FAM178B: variants seen among roughly 807,000 people sequenced by gnomAD.
FAM178B encodes the protein protein FAM178B.
Under a neutral mutation model 91.7 loss-of-function variants are expected in FAM178B, and 82 were observed. The ratio of observed to expected loss-of-function variants is 0.89; its 90% CI spans 0.75 to 1.07. The LOEUF is 1.07. Among genes scored for constraint, FAM178B ranks in the 50% least tolerant of loss-of-function variants. The probability of loss-of-function intolerance (pLI) is 0.00; values close to 1 mark genes in which losing one functional copy is unlikely to be tolerated. For synonymous variants in FAM178B, 368 were observed against 359.4 expected (o/e 1.02, Z -0.27); for missense variants, 769 against 846.7 (o/e 0.91, Z 1.14).
At chr2:96,944,013 TG>T (rs1272375995) in intron 8 of FAM178B, among the ~76,000 whole-genome samples, 2 of 152,094 alleles carry the variant, frequency 1.3e-5, no homozygotes, top group African/African-American at 2.4e-5. Context: ...GAGGCTGAAG[TG>T]GGTGGATCAC....
At chr2:96,921,309 C>T (rs762546960) in intron 11 of FAM178B, 47 bp from the exon 12 acceptor site, 5 of 1,536,500 alleles carry the variant, frequency 3.3e-6, no homozygotes, top group South Asian at 1.2e-5. Flanking sequence ...CACCGCCTTC[C>T]CCTTGCTCTC....
chr2:96,927,033 G>A (rs1433754085), intron 9 of FAM178B, among the ~76,000 whole-genome samples: 2 of 152,240 alleles, frequency 1.3e-5, no homozygotes, highest in Non-Finnish European at 2.9e-5. Context: ...GAGTTGGTGA[G>A]GAGCCAGGAC....
At chr2:96,918,188 AG>A (rs2081274400) in intron 12 of FAM178B, among the ~76,000 whole-genome samples, 1 of 152,028 alleles carries the variant, frequency 6.6e-6, no homozygotes. Context: ...AAAAAAAAAA[AG>A]AAAAAAAATT....
At chr2:96,894,753 C>A (rs183843349) in intron 13 of FAM178B, among the ~76,000 whole-genome samples, 2,841 of 81,110 alleles carry the variant, frequency 0.035, 133 homozygotes, top group Non-Finnish European at 0.048. Flanking sequence ...TCACCCCCCC[C>A]ACAGACCCCC....
At chr2:96,931,213 T>C (rs568340620) in intron 8 of FAM178B, among the ~76,000 whole-genome samples, 1 of 152,228 alleles carries the variant, frequency 6.6e-6, no homozygotes, top group East Asian at 1.9e-4. Flanking sequence ...GACTTCACCA[T>C]TCTAGAGGGT....
chr2:96,968,900 C>A (rs2082181020), intron 4 of FAM178B, among the ~76,000 whole-genome samples: 2 of 152,228 alleles, frequency 1.3e-5, no homozygotes, highest in Non-Finnish European at 2.9e-5. Context: ...TCTGCCTCGC[C>A]CCTCCAACCC....
At chr2:96,950,255 C>T in intron 7 of FAM178B, 2 of 847,274 alleles carry the variant, frequency 2.4e-6, no homozygotes, top group Non-Finnish European at 2.8e-6. Context: ...AGGGGCTGCA[C>T]CGCCAGCGTG....
chr2:96,971,339 CTCTGTCTGTCTG>C (rs546996672), intron 3 of FAM178B, among the ~76,000 whole-genome samples: 6 of 148,356 alleles, frequency 4.0e-5, no homozygotes, highest in Non-Finnish European at 8.9e-5. Context: ...TCCCTTGTGT[CTCTGTCTGTCTG>C]TCTGTCTGTC....
chr2:96,950,166 C>G (rs552827466), intron 7 of FAM178B: 381 of 985,400 alleles, frequency 3.9e-4, no homozygotes, highest in Non-Finnish European at 4.4e-4. Context: ...CAGGGCCCCT[C>G]TGTGGGTGCC....
At chr2:96,925,943 G>A (rs369202533) in intron 9 of FAM178B, among the ~76,000 whole-genome samples, 14 of 152,240 alleles carry the variant, frequency 9.2e-5, no homozygotes, top group East Asian at 1.9e-4. Context: ...TTGATAGGAC[G>A]CCCTGTCAAT....
intron 8 of FAM178B, among the ~76,000 whole-genome samples, chr2:96,934,677 T>C (rs918283081): frequency 7.2e-5 from 11 of 152,244 alleles, no homozygotes; most frequent in African/African-American, 2.4e-4. Context: ...ACCGTGTGTC[T>C]AGGGAGACAC....
chr2:96,972,629 G>A, intron 1 of FAM178B, 23 bp from the exon 2 acceptor site: 15 of 1,548,490 alleles, frequency 9.7e-6, no homozygotes, highest in African/African-American at 1.4e-5. Context: ...GCCTGTGAGG[G>A]CAGGTGAACC....
chr2:96,921,543 G>A lies in FAM178B; in HGVS notation c.1399C>T (p.Pro467Ser), dbSNP rs755085943. The stretch of plus-strand genomic sequence containing the variant: ...AGAAGCTGCTGGAGGTCAACTTTGG[G>A]CAGCAGGCGGAGCCCCACGTCCAGG... The part of the protein sequence containing the change: ...TSLDVGLRLL[P>S]KVDLQQLLLL... The change falls in exon 11 of 17, where the codon CCC (proline) becomes TCC (serine). Residue 467 changes from proline (P) to serine (S), a missense_variant. Transcript: ENST00000490605. The A allele has an allele frequency of 8.4e-6, 13 of 1,551,712 alleles. No individual in the cohort carries two copies. Among genetic ancestry groups the A allele is most frequent in the Non-Finnish European group, 8.7e-7 (1 of 1,146,998 alleles).
At chr2:96,885,775 A>G (rs762380512) in intron 14 of FAM178B, among the ~76,000 whole-genome samples, 7 of 151,838 alleles carry the variant, frequency 4.6e-5, no homozygotes, top group Middle Eastern at 3.4e-3. Context: ...GGGACCAGAG[A>G]CCTTGACACC....
At chr2:96,972,509 A>G (rs1050877412) in intron 2 of FAM178B, 29 bp downstream of exon 2, 1 of 1,550,130 alleles carries the variant, frequency 6.5e-7, no homozygotes, top group Non-Finnish European at 8.7e-7. Context: ...CTCAGTGGGG[A>G]TTTACCTGTG....
intron 8 of FAM178B, among the ~76,000 whole-genome samples, chr2:96,942,402 AT>A (rs1035606604): frequency 1.3e-5 from 2 of 151,906 alleles, no homozygotes; most frequent in South Asian, 2.1e-4. Context: ...AGCCAAAACA[AT>A]TTTTTTTCAG....
chr2:96,910,200 A>G (rs1046934536), intron 12 of FAM178B, among the ~76,000 whole-genome samples: 4 of 152,074 alleles, frequency 2.6e-5, no homozygotes, highest in Admixed American at 1.3e-4. Context: ...GGAATCCCCT[A>G]GAGAATAACC....
intron 14 of FAM178B, 42 bp downstream of exon 14, chr2:96,893,884 G>T: frequency 1.3e-6 from 2 of 1,593,632 alleles, no homozygotes. Context: ...CTGTGGTGGT[G>T]GCACCGTGGT....
At chr2:96,955,537 G>A (rs6576995) in intron 6 of FAM178B, among the ~76,000 whole-genome samples, 114,249 of 151,338 alleles carry the variant, frequency 0.75, 44,188 homozygotes, top group Middle Eastern at 0.83. Context: ...AAAATTAGCC[G>A]TGCGTGGTGG....
Sources: allele counts gnomAD v4.1 joint callset (sites outside exome capture counted in the v4.1 genomes callset), GRCh38; gene constraint gnomAD v4.1.1; transcripts MANE v1.5; gene names NCBI Gene and HGNC (gene_info 2026-07-23, HGNC 2026-07-21).